Variants in RAD50 observed in about 807,000 individuals in gnomAD.
The protein encoded by RAD50 is DNA repair protein RAD50.
RAD50 carries 132 observed loss-of-function variants against 168.8 expected under a neutral mutation model. That is an observed-to-expected ratio of 0.78 (90% CI 0.68 to 0.90). RAD50 has a LOEUF of 0.90. Ranked by LOEUF, RAD50 falls within the 40% of genes least tolerant of loss-of-function variation. The pLI, the probability that RAD50 is intolerant of heterozygous loss-of-function variation, is 0.00. For synonymous variants in RAD50, 525 were observed against 497.4 expected (o/e 1.06, Z -0.74); for missense variants, 1,347 against 1,534.4 (o/e 0.88, Z 2.04).
chr5:132,642,571 T>C lies in RAD50; in HGVS notation c.*207T>C. 1.7e-6 allele frequency: 1 copy of C among 603,208 alleles called. No homozygotes were observed. The allele number at this position is 603,208 out of a possible 1,614,324, so 37.4% of individuals were successfully genotyped here. Reference sequence around the variant, plus strand: ...AGATTGCCTGTTTCTGATTTGCTGCTCTTCATCCCATTCCAGGCAGCCTCT... The same window carrying C: ...AGATTGCCTGTTTCTGATTTGCTGCCCTTCATCCCATTCCAGGCAGCCTCT... On this transcript the variant is annotated 3_prime_UTR_variant, in exon 25 of 25. Coordinates refer to ENST00000378823, the MANE Select transcript of RAD50 (RefSeq NM_005732.4).
intron 2 of RAD50, among the ~76,000 whole-genome samples, chr5:132,561,006 C>T (rs1189697985): frequency 2.6e-5 from 4 of 152,140 alleles, no homozygotes; most frequent in African/African-American, 9.7e-5. Flanking sequence ...GTAAGGTCAC[C>T]AATAATCTCA....
chr5:132,601,583 C>A (rs1750886856), intron 13 of RAD50, among the ~76,000 whole-genome samples: 1 of 152,136 alleles, frequency 6.6e-6, no homozygotes, highest in Non-Finnish European at 1.5e-5. Flanking sequence ...CATGGAATTA[C>A]TCATAACCTG....
intron 24 of RAD50, among the ~76,000 whole-genome samples, chr5:132,641,310 A>G (rs1015061336): frequency 2.0e-5 from 3 of 152,186 alleles, no homozygotes; most frequent in Non-Finnish European, 4.4e-5. Flanking sequence ...CTTTTACCAC[A>G]TTCACCTGGG....
intron 16 of RAD50, 151 bp downstream of exon 16, chr5:132,605,150 T>G: frequency 1.9e-6 from 1 of 529,018 alleles, no homozygotes; most frequent in South Asian, 3.3e-5. Context: ...GTTCAAGTGA[T>G]TCTCTTGCCT....
chr5:132,643,050 C>A lies in RAD50; in HGVS notation c.*686C>A, dbSNP rs773086153. ...CTCTCTCTACAGAGAGGAAATTCTC[C>A]ACTGTGCACACCCACCTTTGGAAAG... is the stretch of plus-strand genomic sequence containing the variant. On this transcript the variant is annotated 3_prime_UTR_variant, in exon 25 of 25. Coordinates refer to ENST00000378823, the MANE Select transcript of RAD50 (RefSeq NM_005732.4). 1.9e-6 allele frequency: 1 copy of A among 529,808 alleles called. No homozygotes were observed. Among genetic ancestry groups the A allele is most frequent in the African/African-American group, 1.9e-5 (1 of 52,860 alleles). 32.8% of individuals were successfully genotyped at this position (529,808 alleles called of 1,614,324 possible). A position where few individuals can be genotyped will look rare whatever the true frequency, so the allele number is the denominator to read the frequency against.
intron 19 of RAD50, among the ~76,000 whole-genome samples, chr5:132,613,404 T>A (rs1337680207): frequency 1.3e-5 from 2 of 152,098 alleles, no homozygotes; most frequent in South Asian, 2.1e-4. Context: ...GAAAAACATT[T>A]GTGGTATACT....
intron 3 of RAD50, among the ~76,000 whole-genome samples, chr5:132,576,632 T>C (rs189893322): frequency 6.6e-6 from 1 of 152,358 alleles, no homozygotes; most frequent in African/African-American, 2.4e-5. Flanking sequence ...CACACTCAAG[T>C]ATCTCTCATA....
In RAD50 at chr5:132,588,708, A is replaced by G. The variant is rs1185438471; in HGVS notation, c.1073A>G (p.Asp358Gly). 1 of 1,613,924 alleles carries G rather than the reference A, an allele frequency of 6.2e-7. No individual in the cohort carries two copies. The highest frequency in any genetic ancestry group is 1.7e-5 in the Admixed American group (1 of 60,012). The change falls in exon 8 of 25, where the codon GAT (aspartate) becomes GGT (glycine). Residue 358 changes from aspartate to glycine, a missense_variant. Transcript: ENST00000378823. ...VEQGRLQLQA[D>G]RHQEHIRARD... is the part of the protein sequence containing the mutation. ...AAAGGTCGTCTACAGCTGCAAGCAGATCGCCATCAAGAACATATCCGAGCT... is the reference window on the plus strand; with the variant it reads ...AAAGGTCGTCTACAGCTGCAAGCAGGTCGCCATCAAGAACATATCCGAGCT...
Position 132,643,725 on chromosome 5 carries a change from T to TTGGGG in RAD50, c.*1361_*1362insTGGGG, listed in dbSNP as rs1333156373. ...GAGTATCCTGGGGGTGGTGGTGGGG[T>TTGGGG]GGGGGGGGGTCCTAAATGTAATCAC... is the stretch of plus-strand genomic sequence containing the variant. On this transcript the variant is annotated 3_prime_UTR_variant, in exon 25 of 25. Transcript: ENST00000378823. 2.0e-5 allele frequency: 2 copies of TTGGGG among 99,394 alleles called. No homozygotes were observed. The highest frequency in any genetic ancestry group is 1.3e-4 in the Admixed American group (1 of 7,492). 6.2% of individuals were successfully genotyped at this position (99,394 alleles called of 1,614,324 possible).
intron 21 of RAD50, among the ~76,000 whole-genome samples, chr5:132,625,727 G>A (rs1751362936): frequency 6.6e-6 from 1 of 151,868 alleles, no homozygotes; most frequent in East Asian, 1.9e-4. Flanking sequence ...ATCTCCATGA[G>A]TTCAATTGTT....
At chr5:132,640,378 C>T (rs1020133626) in intron 23 of RAD50, among the ~76,000 whole-genome samples, 2 of 152,116 alleles carry the variant, frequency 1.3e-5, no homozygotes, top group African/African-American at 4.8e-5. Context: ...CTGTTTCTAG[C>T]CTTTGGTCTC....
At chr5:132,571,135 A>C (rs189167103) in intron 2 of RAD50, among the ~76,000 whole-genome samples, 3 of 152,366 alleles carry the variant, frequency 2.0e-5, no homozygotes, top group Admixed American at 2.0e-4. Flanking sequence ...CAGTAGTAAC[A>C]TCAAAGATCA....
chr5:132,560,477 TTC>T (rs1750105695), intron 2 of RAD50, among the ~76,000 whole-genome samples: 1 of 152,222 alleles, frequency 6.6e-6, no homozygotes, highest in African/African-American at 2.4e-5. Context: ...GTTTCCCACC[TTC>T]TCTCTCCTTA....
rs1561662133 is a variant in RAD50, at chr5:132,642,624, G to A, written c.*260G>A. ...CAGGCCTTCAGGGTTCAGCAGTACA[G>A]CCGAGACTCGACTCTGTGCCTCCCT... On this transcript the variant is annotated 3_prime_UTR_variant, in exon 25 of 25. Transcript: ENST00000378823. The A allele has an allele frequency of 1.1e-5, 6 of 524,934 alleles. No homozygotes were observed. The highest frequency in any genetic ancestry group is 1.7e-5 in the Non-Finnish European group (5 of 292,946). The allele number at this position is 524,934 out of a possible 1,614,324, so 32.5% of individuals were successfully genotyped here. A position where few individuals can be genotyped will look rare whatever the true frequency, so the allele number is the denominator to read the frequency against.
intron 16 of RAD50, among the ~76,000 whole-genome samples, chr5:132,605,759 C>T (rs1750974661): frequency 6.6e-6 from 1 of 152,084 alleles, no homozygotes; most frequent in Non-Finnish European, 1.5e-5. Context: ...TGCAAAAGAA[C>T]AGAAATCATA....
At position 132,591,439 on chromosome 5, in the gene RAD50, TC is replaced by T. The variant is rs1049684101; in HGVS notation, c.1635+34del. On this transcript the variant is annotated intron_variant, in intron 10 of 24. Transcript: ENST00000378823. ...TTTTCTTTTTGTTCTAATTATACTGTCTGGTACTTAAAATAGCCTACCTTGC... is the reference window on the plus strand; with the variant it reads ...TTTTCTTTTTGTTCTAATTATACTGTTGGTACTTAAAATAGCCTACCTTGC... The T allele has an allele frequency of 5.7e-6, 9 of 1,585,910 alleles. No homozygotes were observed. In the Admixed American group the frequency reaches 1.0e-4, roughly 18 times the overall value.
At chr5:132,594,367 G>A (rs1447976916) in intron 11 of RAD50, among the ~76,000 whole-genome samples, 1 of 152,152 alleles carries the variant, frequency 6.6e-6, no homozygotes, top group Admixed American at 6.5e-5. Context: ...AATTAAAGTG[G>A]GGATAAATTG....
intron 8 of RAD50, 73 bp from the exon 9 acceptor site, chr5:132,589,558 T>C (rs766588458): frequency 3.4e-6 from 4 of 1,193,352 alleles, no homozygotes; most frequent in East Asian, 5.0e-5. Flanking sequence ...AGTGTACATA[T>C]ATTCCTTTTG....
intron 5 of RAD50, 50 bp downstream of exon 5, chr5:132,580,116 T>A (rs1260091936): frequency 6.9e-7 from 1 of 1,444,338 alleles, no homozygotes; most frequent in Non-Finnish European, 9.7e-7. Context: ...CTTTATGGTA[T>A]ACAGCATGAT....
Sources: gnomAD v4.1 joint callset for allele counts (sites outside exome capture counted in the v4.1 genomes callset) on GRCh38, gnomAD v4.1.1 for gene constraint, MANE v1.5 for transcripts, NCBI Gene and HGNC (gene_info 2026-07-23, HGNC 2026-07-21) for gene names.